Variants in PCDHA3 observed in about 807,000 individuals in gnomAD.
PCDHA3 encodes protocadherin alpha 3, also known as protocadherin alpha-3.
PCDHA3 carries 41 observed loss-of-function variants against 62.2 expected under a neutral mutation model. That is an observed-to-expected ratio of 0.66 (90% CI 0.51 to 0.86). The LOEUF is 0.86. PCDHA3 is among the 40% of genes least tolerant of loss of function. PCDHA3 has a pLI of 0.00. For synonymous variants in PCDHA3, 640 were observed against 555.4 expected (o/e 1.15, Z -2.14); for missense variants, 1,304 against 1,241.2 (o/e 1.05, Z -0.76).
chr5:140,958,484 G>T (rs246009), intron 1 of PCDHA3, among the ~76,000 whole-genome samples: 1 of 151,754 alleles, frequency 6.6e-6, no homozygotes, highest in Non-Finnish European at 1.5e-5. Flanking sequence ...AGAGCACTAA[G>T]TCCACATATC....
chr5:140,838,073 ATATAGTGTGTGTGTGTGTGT>A (rs1417460358), intron 1 of PCDHA3, among the ~76,000 whole-genome samples: 1 of 126,728 alleles, frequency 7.9e-6, no homozygotes, highest in African/African-American at 3.2e-5. Context: ...AGTTATATAT[ATATAGTGTGTGTGTGTGTGT>A]GTGTGTGTGT....
chr5:140,883,093 A>T (rs1035461317), intron 1 of PCDHA3: 1 of 1,614,146 alleles, frequency 6.2e-7, no homozygotes, highest in Non-Finnish European at 8.5e-7. Flanking sequence ...GTACAAATGG[A>T]GATATAGTTT....
At chr5:140,816,115 TC>T (rs1388791863) in intron 1 of PCDHA3, 2 of 152,216 alleles carry the variant, frequency 1.3e-5, no homozygotes, top group Non-Finnish European at 2.9e-5. Context: ...TATGGCTTCT[TC>T]TTTTGAAACT....
chr5:140,997,781 C>T (rs1207024588), intron 3 of PCDHA3, among the ~76,000 whole-genome samples: 3 of 151,626 alleles, frequency 2.0e-5, no homozygotes, highest in African/African-American at 7.3e-5. Flanking sequence ...TGTTGTATAC[C>T]TATATTATAA....
chr5:140,871,280 C>A, intron 1 of PCDHA3: 1 of 1,613,916 alleles, frequency 6.2e-7, no homozygotes, highest in Non-Finnish European at 8.5e-7. Context: ...TCGGCAACGC[C>A]CACTGAGGGC....
In PCDHA3 at chr5:140,803,182, C is replaced by G; in HGVS notation, c.1985C>G (p.Thr662Arg). The change falls in exon 1 of 4, where the codon ACG becomes AGG. Residue 662 changes from threonine (T) to arginine (R), a missense_variant. By Grantham distance (71) the Thr-to-Arg change is moderately conservative. Coordinates refer to ENST00000522353, the MANE Select transcript of PCDHA3 (RefSeq NM_018906.3). The stretch of plus-strand genomic sequence containing the variant: ...CACGGTGAACCCTCATTGACCGCCA[C>G]GGCCACTGTGCTGGTGTCGCTGGTG... The part of the protein sequence containing the change: ...KDHGEPSLTA[T>R]ATVLVSLVES... The G allele has an allele frequency of 6.2e-7, 1 of 1,613,918 alleles. No homozygotes were observed.
At position 140,829,585 on chromosome 5, in the gene PCDHA3, G is replaced by A. The variant is rs2150170592; in HGVS notation, c.2394+25994G>A. On this transcript the variant is annotated intron_variant, in intron 1 of 3. Transcript: ENST00000522353. ...TGTCCTACTCGCTGGTGGAGCGGCG[G>A]GTGGGCGAGCGCGCGTTGTCGAGCT... 3.9e-3 allele frequency: 6,235 copies of A among 1,612,244 alleles called. 24 individuals are homozygous for A. The highest frequency in any genetic ancestry group is 4.7e-3 in the Non-Finnish European group (5,594 of 1,179,798).
intron 1 of PCDHA3, chr5:140,930,576 T>C (rs1554207933): frequency 1.3e-5 from 2 of 152,582 alleles, no homozygotes; most frequent in Non-Finnish European, 2.9e-5. Flanking sequence ...TCTACGGTAT[T>C]ACTTTTTGAC....
intron 1 of PCDHA3, chr5:140,828,105 C>T (rs1554131020): frequency 3.1e-6 from 5 of 1,610,132 alleles, no homozygotes; most frequent in Middle Eastern, 1.7e-4. Context: ...GTGTTTACCC[C>T]GGAGGATAGA....
chr5:141,000,365 C>CTG (rs2097904906), intron 3 of PCDHA3, among the ~76,000 whole-genome samples: 2 of 12,832 alleles, frequency 1.6e-4, no homozygotes, highest in Non-Finnish European at 2.6e-4. Flanking sequence ...CTCTCTGTCT[C>CTG]TCTCTCTCTC....
At chr5:140,974,865 G>A (rs1042029401) in intron 1 of PCDHA3, among the ~76,000 whole-genome samples, 7 of 152,026 alleles carry the variant, frequency 4.6e-5, no homozygotes, top group African/African-American at 1.4e-4. Context: ...GCCTTAATGC[G>A]GAACAGTCTA....
Position 140,882,649 on chromosome 5 carries a change from C to T in PCDHA3, c.2394+79058C>T, listed in dbSNP as rs559940161. On this transcript the variant is annotated intron_variant, in intron 1 of 3. Transcript: ENST00000522353. ...TGGAGGTGAAGGTGAGGGACATTAA[C>T]GACAACCCGCCCATATTCCCTGAAA... The T allele has an allele frequency of 6.2e-6, 10 of 1,614,214 alleles. No individual in the cohort carries two copies. In the African/African-American group the frequency reaches 1.1e-4, roughly 17 times the overall value.
chr5:140,946,611 A>AATATATATATATATATATATATAT (rs1554217734), intron 1 of PCDHA3, among the ~76,000 whole-genome samples: 1,222 of 86,096 alleles, frequency 0.014, 42 homozygotes, highest in African/African-American at 0.029. Context: ...GAAAATGTGA[A>AATATATATATATATATATATATAT]ATATATATAT....
intron 1 of PCDHA3, among the ~76,000 whole-genome samples, chr5:140,818,079 C>A (rs1344307617): frequency 1.3e-5 from 2 of 152,162 alleles, no homozygotes; most frequent in Non-Finnish European, 2.9e-5. Context: ...GTTTTCAAAG[C>A]TTCTTATATC....
At chr5:140,804,712 T>A (rs1239581121) in intron 1 of PCDHA3, 2 of 173,008 alleles carry the variant, frequency 1.2e-5, no homozygotes, top group Non-Finnish European at 2.4e-5. Flanking sequence ...GAAGGTAGAC[T>A]TTTTTCTAAT....
intron 1 of PCDHA3, among the ~76,000 whole-genome samples, chr5:140,907,040 G>A (rs781947448): frequency 1.4e-4 from 21 of 152,290 alleles, no homozygotes; most frequent in Non-Finnish European, 2.4e-4. Context: ...ATGTCACAGG[G>A]ACAGTAAGCA....
chr5:140,997,357 A>G (rs1309712075), intron 3 of PCDHA3, among the ~76,000 whole-genome samples: 1 of 152,218 alleles, frequency 6.6e-6, no homozygotes, highest in Non-Finnish European at 1.5e-5. Flanking sequence ...ATGTACTTAC[A>G]TAAACCTAGA....
intron 1 of PCDHA3, chr5:140,850,800 C>T (rs1554144941): frequency 1.9e-6 from 3 of 1,598,392 alleles, no homozygotes; most frequent in African/African-American, 1.3e-5. Context: ...GAAGACCGAC[C>T]TCATGGCCTT....
intron 1 of PCDHA3, among the ~76,000 whole-genome samples, chr5:140,919,772 A>G (rs1421766938): frequency 6.6e-6 from 1 of 152,102 alleles, no homozygotes; most frequent in Non-Finnish European, 1.5e-5. Context: ...TATTACTGTT[A>G]CACATATTAC....
Sources: gnomAD v4.1 joint callset for allele counts (sites outside exome capture counted in the v4.1 genomes callset) on GRCh38, gnomAD v4.1.1 for gene constraint, MANE v1.5 for transcripts, NCBI Gene and HGNC (gene_info 2026-07-23, HGNC 2026-07-21) for gene names.